The following LEF1 variants were observed in gnomAD, a reference collection of about 807,000 sequenced individuals.
LEF1 encodes lymphoid enhancer-binding factor 1.
LEF1 carries 14 observed loss-of-function variants against 51.2 expected under a neutral mutation model. That is an observed-to-expected ratio of 0.27 (90% CI 0.18 to 0.43). LEF1 has a LOEUF of 0.43. LEF1 is among the 20% of genes least tolerant of loss of function. LEF1 has a pLI of 1.00. For missense variants in LEF1, 386 were observed against 512.0 expected (o/e 0.75, Z 2.37); for synonymous variants, 185 against 183.2 (o/e 1.01, Z -0.08).
rs999164438 is a variant in LEF1 at position 108,085,711 on chromosome 4, A to G, written c.548-2265T>C. ...CTATGCTAGGCGTTTGACTCTATAG[A>G]AATTCTACTCTTCTTTCAAATGTTC... On this transcript the variant is annotated intron_variant, in intron 4 of 11. Coordinates refer to ENST00000265165, the MANE Select transcript of LEF1 (RefSeq NM_016269.5). 1.2e-4 allele frequency among the ~76,000 whole-genome samples: 19 copies of G among 152,324 alleles called. No individual in the cohort carries two copies. In the South Asian group the frequency reaches 1.5e-3, roughly 12 times the overall value.
chr4:108,149,595 GTGTGTATATATGTACATATATATACA>G (rs1462376988), intron 3 of LEF1, among the ~76,000 whole-genome samples: 34 of 149,468 alleles, frequency 2.3e-4, no homozygotes, highest in African/African-American at 8.4e-4. Flanking sequence ...GTATATATTT[GTGTGTATATATGTACATATATATACA>G]TGTGTATATA....
At chr4:108,125,611 A>G (rs749649183) in intron 3 of LEF1, among the ~76,000 whole-genome samples, 23 of 152,234 alleles carry the variant, frequency 1.5e-4, no homozygotes, top group Admixed American at 5.9e-4. Flanking sequence ...GTGAAAGTTC[A>G]GCAGATATGT....
chr4:108,056,835 G>A (rs868404842), intron 11 of LEF1, among the ~76,000 whole-genome samples: 1 of 150,330 alleles, frequency 6.7e-6, no homozygotes, highest in African/African-American at 2.5e-5. Flanking sequence ...GCCAGCAGTC[G>A]CTTCCACAGG....
chr4:108,152,182 C>T (rs1323539203), intron 3 of LEF1, among the ~76,000 whole-genome samples: 1 of 152,174 alleles, frequency 6.6e-6, no homozygotes, highest in Non-Finnish European at 1.5e-5. Flanking sequence ...GCACTTACCC[C>T]AGACCTTTAA....
chr4:108,064,328 G>A lies in LEF1; in HGVS notation c.1165+8C>T. 6.2e-7 allele frequency: 1 copy of A among 1,607,694 alleles called. No individual in the cohort carries two copies. Among genetic ancestry groups the A allele is most frequent in the Non-Finnish European group, 8.5e-7 (1 of 1,174,262 alleles). On this transcript the variant is annotated splice_region_variant and intron_variant, in intron 10 of 11. Coordinates refer to ENST00000265165, the MANE Select transcript of LEF1 (RefSeq NM_016269.5). The stretch of plus-strand genomic sequence containing the variant: ...TGAGGATTGACTGGAAAGTCTCATG[G>A]TGCCTACCTGATGCAGATTCCTGTA...
chr4:108,089,300 G>A lies in LEF1; in HGVS notation c.415-43C>T, dbSNP rs576170376. 1.0e-5 allele frequency: 16 copies of A among 1,583,590 alleles called. 1 individual carries two copies. The South Asian group carries it at 1.8e-4, about 18-fold the overall frequency. On this transcript the variant is annotated intron_variant, in intron 3 of 11. Transcript: ENST00000265165. ...GGTCAATAGTTAATATGGATGCCCA[G>A]CTCCAGTCTTTTCTCCCAAAGAAAA...
At chr4:108,150,918 A>C (rs1286989037) in intron 3 of LEF1, among the ~76,000 whole-genome samples, 1 of 152,180 alleles carries the variant, frequency 6.6e-6, no homozygotes, top group Non-Finnish European at 1.5e-5. Context: ...TATTTCTCAT[A>C]ATCACATGGA....
intron 3 of LEF1, among the ~76,000 whole-genome samples, chr4:108,158,206 T>C (rs563063676): frequency 6.6e-5 from 10 of 152,312 alleles, no homozygotes; most frequent in Admixed American, 5.2e-4. Flanking sequence ...TAAAAAGTAA[T>C]CATGAACCTA....
At position 108,048,742 on chromosome 4, in the gene LEF1, C is replaced by T. The variant is rs148954807; in HGVS notation, c.*16G>A. On this transcript the variant is annotated 3_prime_UTR_variant, in exon 12 of 12. Transcript: ENST00000265165. ...GGCTTTGCACGTTGGGAATGAGCTT[C>T]GTTTTCCACCTCAAGAAGGAACAAA... is the stretch of plus-strand genomic sequence containing the variant. 2.1e-4 allele frequency: 340 copies of T among 1,601,436 alleles called. No homozygotes were observed. Among genetic ancestry groups the T allele is most frequent in the Non-Finnish European group, 2.8e-4 (334 of 1,173,382 alleles).
chr4:108,110,157 G>A (rs1285827312), intron 3 of LEF1, among the ~76,000 whole-genome samples: 1 of 152,194 alleles, frequency 6.6e-6, no homozygotes, highest in East Asian at 1.9e-4. Flanking sequence ...AGTTTTCCAA[G>A]TAGAAAATTA....
At chr4:108,111,823 C>T (rs757030134) in intron 3 of LEF1, among the ~76,000 whole-genome samples, 7 of 152,138 alleles carry the variant, frequency 4.6e-5, no homozygotes, top group Admixed American at 1.3e-4. Flanking sequence ...TTGAGGTGGG[C>T]GATCACCTAA....
intron 6 of LEF1, 93 bp from the exon 7 acceptor site, chr4:108,079,707 C>T (rs1739157940): frequency 3.8e-6 from 5 of 1,302,932 alleles, no homozygotes; most frequent in Non-Finnish European, 5.5e-6. Context: ...CTGCTACTGG[C>T]TAAGAGTAAA....
chr4:108,162,999 G>A (rs1440256944), intron 3 of LEF1, among the ~76,000 whole-genome samples: 17 of 150,908 alleles, frequency 1.1e-4, no homozygotes, highest in Non-Finnish European at 2.1e-4. Context: ...AAAAAAAAAA[G>A]GAACAACTTT....
chr4:108,064,098 T>C (rs1737888931), intron 10 of LEF1, among the ~76,000 whole-genome samples: 1 of 152,062 alleles, frequency 6.6e-6, no homozygotes, highest in South Asian at 2.1e-4. Context: ...ATCCCACAGT[T>C]TACAACCAGG....
At chr4:108,056,901 C>T (rs1276917119) in intron 11 of LEF1, among the ~76,000 whole-genome samples, 1 of 137,094 alleles carries the variant, frequency 7.3e-6, no homozygotes, top group Admixed American at 7.4e-5. Flanking sequence ...GGCTAGGCCA[C>T]TATTCAAAAA....
Position 108,130,488 on chromosome 4 carries a change from G to A in LEF1, c.414+33080C>T, listed in dbSNP as rs1560811593. Reference sequence around the variant, plus strand: ...CAATCCTAGCACTTTGTGAGGCTAAGGCAGGCAAATCACTTGAGGTCAGGA... The same window carrying A: ...CAATCCTAGCACTTTGTGAGGCTAAAGCAGGCAAATCACTTGAGGTCAGGA... On this transcript the variant is annotated intron_variant, in intron 3 of 11. Coordinates refer to ENST00000265165, the MANE Select transcript of LEF1 (RefSeq NM_016269.5). Among the ~76,000 whole-genome samples the A allele has an allele frequency of 3.3e-5, 5 of 151,912 alleles. No individual in the cohort carries two copies. In the South Asian group the frequency reaches 8.3e-4, roughly 25 times the overall value.
chr4:108,097,982 C>T (rs1464274580), intron 3 of LEF1, among the ~76,000 whole-genome samples: 1 of 152,064 alleles, frequency 6.6e-6, no homozygotes. Context: ...TGAGGCAACC[C>T]CAGGGACTCC....
chr4:108,147,274 T>C (rs1744054078), intron 3 of LEF1, among the ~76,000 whole-genome samples: 1 of 152,114 alleles, frequency 6.6e-6, no homozygotes, highest in Non-Finnish European at 1.5e-5. Context: ...AAAAAAAGTC[T>C]TTAAAAGGTT....
rs1005747389 is a variant in LEF1, at chr4:108,099,408, A to T, written c.415-10151T>A. On this transcript the variant is annotated intron_variant, in intron 3 of 11. Transcript: ENST00000265165. ...GGAAAAGAACTCTTATGGGTAAAAA[A>T]ACTGAAAATCAGAGAAGGTAAGTGG... 2.0e-5 allele frequency among the ~76,000 whole-genome samples: 3 copies of T among 151,238 alleles called. No individual in the cohort carries two copies. In the East Asian group the frequency reaches 5.8e-4, roughly 29 times the overall value.
Sources: allele counts gnomAD v4.1 joint callset (sites outside exome capture counted in the v4.1 genomes callset), GRCh38; gene constraint gnomAD v4.1.1; transcripts MANE v1.5; gene names NCBI Gene and HGNC (gene_info 2026-07-23, HGNC 2026-07-21).